The following DLGAP1 variants were observed in gnomAD, a reference collection of about 807,000 sequenced individuals.
DLGAP1 encodes the protein DLG associated protein 1, also known as disks large-associated protein 1.
In DLGAP1, 11 loss-of-function variants were observed where a neutral mutation model predicts 90.8. The observed-to-expected ratio is 0.12, with a 90% CI of 0.08 to 0.20. DLGAP1 has a LOEUF of 0.20. Ranked by LOEUF, DLGAP1 falls within the 10% of genes least tolerant of loss-of-function variation. The pLI, the probability that DLGAP1 is intolerant of heterozygous loss-of-function variation, is 1.00. For missense variants in DLGAP1, 1,050 were observed against 1,333.8 expected, an observed-to-expected ratio of 0.79 and a Z score of 3.31; for synonymous variants, 558 against 540.7, an observed-to-expected ratio of 1.03 and a Z score of -0.44.
intron 3 of DLGAP1, among the ~76,000 whole-genome samples, chr18:3,898,515 C>T (rs73374569): frequency 0.048 from 7,270 of 152,226 alleles, 181 homozygotes; most frequent in Middle Eastern, 0.058. Flanking sequence ...TTAGGCACCA[C>T]TACACTGTCA....
chr18:3,911,326 T>A (rs999859949), intron 3 of DLGAP1, among the ~76,000 whole-genome samples: 1 of 152,224 alleles, frequency 6.6e-6, no homozygotes, highest in African/African-American at 2.4e-5. Flanking sequence ...TCAAATGAAT[T>A]AAATAAACCC....
intron 1 of DLGAP1, among the ~76,000 whole-genome samples, chr18:4,235,899 T>C (rs573281002): frequency 1.3e-5 from 2 of 152,160 alleles, no homozygotes; most frequent in South Asian, 4.2e-4. Context: ...CTAATTTTTG[T>C]ATTTTTAGTA....
At chr18:3,765,377 A>T (rs9955686) in intron 5 of DLGAP1, among the ~76,000 whole-genome samples, 1 of 149,696 alleles carries the variant, frequency 6.7e-6, no homozygotes, top group Non-Finnish European at 1.5e-5. Flanking sequence ...TGATCTGCCC[A>T]CCTTGGCCTC....
Position 3,528,746 on chromosome 18 carries a change from G to A in DLGAP1, c.2479+5448C>T, listed in dbSNP as rs75217325. Among the ~76,000 whole-genome samples, 105 of 152,334 alleles carry A rather than the reference G, an allele frequency of 6.9e-4. 4 individuals are homozygous for A. The East Asian group carries it at 0.019, about 28-fold the overall frequency. ...TTATGGTCCAATTCTCCCTGATCTGGATTGGCCGCATTTGAAATTGGTGAC... is the reference window on the plus strand; with the variant it reads ...TTATGGTCCAATTCTCCCTGATCTGAATTGGCCGCATTTGAAATTGGTGAC... On this transcript the variant is annotated intron_variant, in intron 10 of 12. Transcript: ENST00000315677.
intron 1 of DLGAP1, among the ~76,000 whole-genome samples, chr18:4,442,930 A>G (rs1273022779): frequency 6.6e-6 from 1 of 152,234 alleles, no homozygotes; most frequent in Non-Finnish European, 1.5e-5. Flanking sequence ...AGCACCTAGA[A>G]TAGTGCTTGG....
intron 1 of DLGAP1, among the ~76,000 whole-genome samples, chr18:4,380,860 G>A (rs1302662071): frequency 6.6e-6 from 1 of 152,126 alleles, no homozygotes; most frequent in Non-Finnish European, 1.5e-5. Flanking sequence ...GTTCCAGAAG[G>A]CAGCTTAATG....
chr18:3,643,706 C>A (rs1277524139), intron 7 of DLGAP1, among the ~76,000 whole-genome samples: 7 of 145,822 alleles, frequency 4.8e-5, no homozygotes, highest in Non-Finnish European at 9.0e-5. Flanking sequence ...TATGACATGA[C>A]AGTTCATTGA....
chr18:3,678,001 G>A (rs542470476), intron 7 of DLGAP1, among the ~76,000 whole-genome samples: 39 of 126,082 alleles, frequency 3.1e-4, no homozygotes, highest in African/African-American at 1.1e-3. Flanking sequence ...TAGCTCTGTC[G>A]CCCAGGCTGG....
intron 2 of DLGAP1, among the ~76,000 whole-genome samples, chr18:4,147,397 A>T (rs1327946168): frequency 2.6e-5 from 4 of 152,192 alleles, no homozygotes; most frequent in African/African-American, 7.2e-5. Context: ...TTAACTATGT[A>T]GTGTTATTTC....
intron 2 of DLGAP1, among the ~76,000 whole-genome samples, chr18:4,040,935 CCAGA>C (rs1480171933): frequency 6.6e-6 from 1 of 152,158 alleles, no homozygotes; most frequent in Non-Finnish European, 1.5e-5. Context: ...CAGGCCTGAT[CCAGA>C]GAGACCCGGC....
intron 1 of DLGAP1, among the ~76,000 whole-genome samples, chr18:4,305,205 G>A (rs963745619): frequency 3.9e-5 from 6 of 151,944 alleles, no homozygotes; most frequent in Admixed American, 3.9e-4. Flanking sequence ...GAAAGGAAAG[G>A]GAGACAAAGC....
intron 1 of DLGAP1, among the ~76,000 whole-genome samples, chr18:4,217,676 G>C (rs1017899902): frequency 6.6e-6 from 1 of 152,012 alleles, no homozygotes; most frequent in African/African-American, 2.4e-5. Context: ...TGAGATGTCT[G>C]TTCAGACCTT....
At chr18:4,438,058 TC>T (rs2083445892) in intron 1 of DLGAP1, among the ~76,000 whole-genome samples, 1 of 152,138 alleles carries the variant, frequency 6.6e-6, no homozygotes. Flanking sequence ...AATTTTGTCA[TC>T]AAAAATGGAC....
rs2049787148 is a variant in DLGAP1, at chr18:3,499,000, A to C, written c.*185T>G. ...TGAAGAAGGAGATGGGCAAACGGGT[A>C]CGGGAAGTGGGGGGCTGAGGGGGGC... On this transcript the variant is annotated 3_prime_UTR_variant, in exon 13 of 13. Transcript: ENST00000315677. The C allele has an allele frequency of 1.2e-5, 7 of 560,586 alleles. No homozygotes were observed. The highest frequency in any genetic ancestry group is 1.2e-5 in the Non-Finnish European group (4 of 322,748). 34.7% of individuals were successfully genotyped at this position (560,586 alleles called of 1,614,324 possible). A position where few individuals can be genotyped will look rare whatever the true frequency, so the allele number is the denominator to read the frequency against.
intron 2 of DLGAP1, among the ~76,000 whole-genome samples, chr18:4,144,887 A>G (rs2076558643): frequency 6.6e-6 from 1 of 152,222 alleles, no homozygotes; most frequent in African/African-American, 2.4e-5. Context: ...TGCATAGTCA[A>G]ATGTTGTCCT....
At chr18:4,449,714 T>C (rs919331666) in intron 1 of DLGAP1, among the ~76,000 whole-genome samples, 1 of 152,186 alleles carries the variant, frequency 6.6e-6, no homozygotes, top group Non-Finnish European at 1.5e-5. Flanking sequence ...CACATCATTA[T>C]TGACCGTAAA....
chr18:3,745,985 G>A (rs1428611011), intron 5 of DLGAP1, among the ~76,000 whole-genome samples: 1 of 152,104 alleles, frequency 6.6e-6, no homozygotes, highest in Non-Finnish European at 1.5e-5. Flanking sequence ...CACCATGCCC[G>A]GCCTCAGCTA....
At chr18:3,665,421 T>C (rs2059844723) in intron 7 of DLGAP1, among the ~76,000 whole-genome samples, 1 of 152,198 alleles carries the variant, frequency 6.6e-6, no homozygotes, top group Non-Finnish European at 1.5e-5. Context: ...ATTCCCCTAC[T>C]TAGCTCTACG....
chr18:4,234,243 A>T (rs1215538200), intron 1 of DLGAP1, among the ~76,000 whole-genome samples: 1 of 152,142 alleles, frequency 6.6e-6, no homozygotes, highest in Admixed American at 6.5e-5. Context: ...TTTTTAAGAC[A>T]GAAAATTATG....
Sources: gnomAD v4.1 joint callset for allele counts (sites outside exome capture counted in the v4.1 genomes callset) on GRCh38, gnomAD v4.1.1 for gene constraint, MANE v1.5 for transcripts, NCBI Gene and HGNC (gene_info 2026-07-23, HGNC 2026-07-21) for gene names.